The following STX1B variants were observed in gnomAD, a reference collection of about 807,000 sequenced individuals.
The protein encoded by STX1B is syntaxin-1B.
A neutral mutation model predicts 39.4 loss-of-function variants in STX1B; 7 were observed. The observed-to-expected ratio is 0.18, with a 90% confidence interval of 0.10 to 0.33. The LOEUF (loss-of-function observed/expected upper bound fraction) is 0.33, where lower values mean the gene tolerates loss of function less well. Ranked by LOEUF, STX1B falls within the 10% of genes least tolerant of loss-of-function variation. The pLI, the probability that STX1B is intolerant of heterozygous loss-of-function variation, is 1.00. For missense variants in STX1B, 198 were observed against 383.2 expected (o/e 0.52, Z 4.04); for synonymous variants, 136 against 144.1 (o/e 0.94, Z 0.40).
chr16:30,997,479 C>G (rs200459459), intron 5 of STX1B, 23 bp downstream of exon 5: 548 of 1,588,780 alleles, frequency 3.4e-4, no homozygotes, highest in Non-Finnish European at 4.3e-4. Flanking sequence ...CGACCCGACC[C>G]CCAATGGGCT....
intron 5 of STX1B, 143 bp downstream of exon 5, chr16:30,997,359 G>A (rs1186087167): frequency 5.7e-6 from 2 of 348,718 alleles, no homozygotes; most frequent in Admixed American, 8.2e-5. Context: ...GGCCCCGCCC[G>A]CTCTAGCCTC....
chr16:30,998,986 CTT>C (rs2056610049), intron 4 of STX1B, among the ~76,000 whole-genome samples: 1 of 152,082 alleles, frequency 6.6e-6, no homozygotes, highest in Admixed American at 6.6e-5. Flanking sequence ...AACAACCTGA[CTT>C]TTATGTTTTA....
At chr16:30,999,403 C>T (rs2056612097) in intron 4 of STX1B, among the ~76,000 whole-genome samples, 1 of 152,190 alleles carries the variant, frequency 6.6e-6, no homozygotes, top group African/African-American at 2.4e-5. Context: ...AGCAATGTGC[C>T]TCGGACATTG....
Position 30,992,636 on chromosome 16 carries a change from G to A in STX1B, c.*185C>T, listed in dbSNP as rs555016120. 23 of 494,410 alleles carry A rather than the reference G, an allele frequency of 4.7e-5. No homozygotes were observed. The East Asian group carries it at 5.4e-4, about 12-fold the overall frequency. The allele number at this position is 494,410 out of a possible 1,614,324, so 30.6% of individuals were successfully genotyped here. On this transcript the variant is annotated 3_prime_UTR_variant, in exon 10 of 10. Coordinates refer to ENST00000215095, the MANE Select transcript of STX1B (RefSeq NM_052874.5). The stretch of plus-strand genomic sequence containing the variant: ...ATCACGCCTGCTGCGATCTACGTGC[G>A]GGGACGGGGGGGGGGTCCATGGCCC...
At chr16:30,997,373 C>T in intron 5 of STX1B, 129 bp downstream of exon 5, 1 of 837,290 alleles carries the variant, frequency 1.2e-6, no homozygotes, top group Non-Finnish European at 1.9e-6. Context: ...TAGCCTCGCC[C>T]CCAGAGCCCC....
chr16:31,001,488 T>TGGGGCA lies in STX1B; in HGVS notation c.105+40_105+41insTGCCCC. 8.3e-7 allele frequency: 1 copy of TGGGGCA among 1,209,238 alleles called. No homozygotes were observed. Among genetic ancestry groups the TGGGGCA allele is most frequent in the Non-Finnish European group, 1.1e-6 (1 of 928,576 alleles). The allele number at this position is 1,209,238 out of a possible 1,614,324, so 74.9% of individuals were successfully genotyped here. A position where few individuals can be genotyped will look rare whatever the true frequency, so the allele number is the denominator to read the frequency against. ...GGGACTAGGGGCTGGGGCTGGGTGC[T>TGGGGCA]GGGGCTGGGGCTGGGGCTGGGGGCC... On this transcript the variant is annotated intron_variant, in intron 2 of 9. Transcript: ENST00000215095. The surrounding 1 kb of genome is among the most constrained non-coding windows in gnomAD (Gnocchi z 5.5).
chr16:31,004,315 A>G (rs780967529), intron 1 of STX1B, among the ~76,000 whole-genome samples: 5 of 152,152 alleles, frequency 3.3e-5, no homozygotes, highest in Non-Finnish European at 5.9e-5. Context: ...TTTCATTCTT[A>G]CAACAGTCCC....
Position 31,001,142 on chromosome 16 carries a change from C to G in STX1B, c.157G>C (p.Val53Leu). The G allele has an allele frequency of 6.2e-7, 1 of 1,614,168 alleles. No homozygotes were observed. The highest frequency in any genetic ancestry group is 8.5e-7 in the Non-Finnish European group (1 of 1,180,030). The change falls in exon 3 of 10, where the codon GTG becomes CTG. Residue 53 changes from valine (V) to leucine (L), a missense_variant. Coordinates refer to ENST00000215095, the MANE Select transcript of STX1B (RefSeq NM_052874.5). The surrounding 1 kb of genome is among the most constrained non-coding windows in gnomAD (Gnocchi z 5.5). ...IEKLSEDVEQ[V>L]KKQHSAILAA... ...AGGATGGCGCTATGCTGTTTTTTCA[C>G]CTGCTCCACATCCTCCGACAGTTTC...
chr16:30,997,262 C>T (rs1418068725), intron 5 of STX1B, among the ~76,000 whole-genome samples: 1 of 152,188 alleles, frequency 6.6e-6, no homozygotes, highest in African/African-American at 2.4e-5. Context: ...CCGCCCGGCA[C>T]CCCCATCTTA....
At chr16:30,993,529 G>A (rs957712309) in intron 7 of STX1B, 45 bp from the exon 8 acceptor site, 47 of 1,607,260 alleles carry the variant, frequency 2.9e-5, no homozygotes, top group Non-Finnish European at 3.9e-5. Flanking sequence ...TCTCCGCCAT[G>A]AGCGCCTCCA....
chr16:30,993,675 T>C (rs1246063865), intron 7 of STX1B, among the ~76,000 whole-genome samples, 191 bp from the exon 8 acceptor site: 1 of 152,072 alleles, frequency 6.6e-6, no homozygotes, highest in Non-Finnish European at 1.5e-5. Flanking sequence ...CACAGGGTGG[T>C]TGTGAAGACT....
chr16:30,994,892 C>CTTTTTTTTTTTTTTTTTTT (rs10524041), intron 7 of STX1B, among the ~76,000 whole-genome samples: 8 of 99,810 alleles, frequency 8.0e-5, no homozygotes, highest in Admixed American at 3.7e-4. Context: ...GTCTCCCCGT[C>CTTTTTTTTTTTTTTTTTTT]TTTTTTTTTT....
At chr16:31,010,332 T>TA in intron 1 of STX1B, 35 bp downstream of exon 1, 1 of 811,432 alleles carries the variant, frequency 1.2e-6, no homozygotes, top group Non-Finnish European at 1.7e-6. Context: ...AATATTGGGG[T>TA]CCCGCCCCCC....
At chr16:30,996,838 C>A in intron 6 of STX1B, 82 bp from the exon 7 acceptor site, 2 of 1,570,102 alleles carry the variant, frequency 1.3e-6, no homozygotes, top group South Asian at 1.1e-5. Flanking sequence ...GGACCTGGGG[C>A]CCACCCTCCC....
In STX1B at chr16:30,992,697, G is replaced by GTGGAGGAGGGA. The variant is rs1288178779; in HGVS notation, c.*123_*124insTCCCTCCTCCA. 1.5e-4 allele frequency: 95 copies of GTGGAGGAGGGA among 649,844 alleles called. 1 individual carries two copies. The highest frequency in any genetic ancestry group is 1.4e-3 in the African/African-American group (79 of 54,802). 40.3% of individuals were successfully genotyped at this position (649,844 alleles called of 1,614,324 possible). On this transcript the variant is annotated 3_prime_UTR_variant, in exon 10 of 10. Transcript: ENST00000215095. ...AGGGACACCAGGGTCTGCCGTGGGG[G>GTGGAGGAGGGA]TGGGGCTGCCTGGGTCTGTTTTGGG...
At chr16:31,002,972 C>G (rs1357374376) in intron 1 of STX1B, among the ~76,000 whole-genome samples, 4 of 152,140 alleles carry the variant, frequency 2.6e-5, no homozygotes, top group Non-Finnish European at 5.9e-5. Context: ...CTGAACTAGC[C>G]GAGGCTCACA....
In STX1B at chr16:31,001,740, G is replaced by A. The variant is rs910732991; in HGVS notation, c.31-137C>T. ...TAGGCTCAGAGGAGGGGTCCTGGGA[G>A]GGGTCCCATGCAGGGTAGATGGCAA... is the stretch of plus-strand genomic sequence containing the variant. On this transcript the variant is annotated intron_variant, in intron 1 of 9. Coordinates refer to ENST00000215095, the MANE Select transcript of STX1B (RefSeq NM_052874.5). This position sits in a 1 kb window ranked among gnomAD's most constrained non-coding sequence, Gnocchi z 5.5. 2.0e-5 allele frequency: 13 copies of A among 646,338 alleles called. No individual in the cohort carries two copies. The highest frequency in any genetic ancestry group is 1.2e-4 in the South Asian group (6 of 51,506). 40.0% of individuals were successfully genotyped at this position (646,338 alleles called of 1,614,324 possible). A position where few individuals can be genotyped will look rare whatever the true frequency, so the allele number is the denominator to read the frequency against.
chr16:31,001,649 C>A lies in STX1B; in HGVS notation c.31-46G>T. 1.2e-5 allele frequency: 18 copies of A among 1,533,098 alleles called. No homozygotes were observed. The highest frequency in any genetic ancestry group is 1.6e-5 in the Non-Finnish European group (18 of 1,116,280). The allele number at this position is 1,533,098 out of a possible 1,614,324, so 95.0% of individuals were successfully genotyped here. On this transcript the variant is annotated intron_variant, in intron 1 of 9. Transcript: ENST00000215095. The surrounding 1 kb of genome is among the most constrained non-coding windows in gnomAD (Gnocchi z 5.5). ...GTCCATGAGCAGGCCCTACCTGGGT[C>A]CCCAAGGCTGGCTCTCCAGCTCTCC...
intron 5 of STX1B, 65 bp from the exon 6 acceptor site, chr16:30,997,124 G>T (rs1210800486): frequency 7.0e-6 from 8 of 1,148,608 alleles, no homozygotes; most frequent in Non-Finnish European, 9.1e-6. Context: ...GGGAGTCAGG[G>T]AGCAGAGACC....
Sources: allele counts gnomAD v4.1 joint callset (sites outside exome capture counted in the v4.1 genomes callset), GRCh38; gene constraint gnomAD v4.1.1; non-coding constraint Gnocchi (gnomAD v3.1); transcripts MANE v1.5; gene names NCBI Gene and HGNC (gene_info 2026-07-23, HGNC 2026-07-21).